The following DLC1 variants were observed in gnomAD, a reference collection of about 807,000 sequenced individuals.
DLC1 encodes the protein rho GTPase-activating protein 7.
DLC1 carries 54 observed loss-of-function variants against 140.3 expected under a neutral mutation model. The ratio of observed to expected loss-of-function variants is 0.38; its 90% CI spans 0.31 to 0.48. The LOEUF (loss-of-function observed/expected upper bound fraction) is 0.48, where lower values mean the gene tolerates loss of function less well. Among genes scored for constraint, DLC1 ranks in the 20% least tolerant of loss-of-function variants. The pLI, the probability that DLC1 is intolerant of heterozygous loss-of-function variation, is 0.96. For synonymous variants in DLC1, 986 were observed against 728.1 expected, an observed-to-expected ratio of 1.35 and a Z score of -5.70; for missense variants, 2,536 against 1,907.0, an observed-to-expected ratio of 1.33 and a Z score of -6.14.
chr8:13,238,222 C>T (rs1390016401), intron 5 of DLC1, among the ~76,000 whole-genome samples: 2 of 152,140 alleles, frequency 1.3e-5, no homozygotes, highest in African/African-American at 4.8e-5. Flanking sequence ...ATATAAATCT[C>T]TCCCTCCCTA....
intron 4 of DLC1, among the ~76,000 whole-genome samples, chr8:13,382,400 G>T (rs534278767): frequency 3.3e-4 from 50 of 149,474 alleles, no homozygotes; most frequent in Non-Finnish European, 6.8e-4. Context: ...CCAGCTACTC[G>T]GGAGGCTGAG....
At chr8:13,286,938 G>T (rs573689651) in intron 5 of DLC1, among the ~76,000 whole-genome samples, 30 of 152,286 alleles carry the variant, frequency 2.0e-4, no homozygotes, top group Admixed American at 7.8e-4. Flanking sequence ...AAGGGAAAGA[G>T]GGGATCTGAG....
chr8:13,310,718 T>C (rs73562515), intron 4 of DLC1, among the ~76,000 whole-genome samples: 3,384 of 152,368 alleles, frequency 0.022, 47 homozygotes, highest in South Asian at 0.041. Context: ...TGCTTTCATT[T>C]GAACAAAGGA....
At position 13,098,503 on chromosome 8, in the gene DLC1, G is replaced by A; in HGVS notation, c.3063C>T (p.Asn1021=). 7 of 1,614,248 alleles carry A rather than the reference G, an allele frequency of 4.3e-6. No homozygotes were observed. The highest frequency in any genetic ancestry group is 5.9e-6 in the Non-Finnish European group (7 of 1,180,036). The change falls in exon 10 of 18, where the codon AAC becomes AAT. Residue 1021 remains asparagine, a synonymous_variant. Transcript: ENST00000276297. ...PSLNSVSLQI[N]CQSVAQMNLL... is the part of the protein sequence containing the mutation. ...GGTTCATCTGGGCCACAGACTGGCA[G>A]TTAATCTGTAGTGATACAGAGTTGA...
chr8:13,358,319 G>A (rs891669257), intron 4 of DLC1, among the ~76,000 whole-genome samples: 1 of 152,132 alleles, frequency 6.6e-6, no homozygotes, highest in African/African-American at 2.4e-5. Flanking sequence ...CACTAAATTG[G>A]ATGTTGATTT....
intron 1 of DLC1, chr8:13,536,160 G>T (rs1225787782): frequency 1.3e-5 from 2 of 152,190 alleles, no homozygotes; most frequent in African/African-American, 2.4e-5. Flanking sequence ...ATGACAACAA[G>T]CTAAGGATAA....
intron 7 of DLC1, among the ~76,000 whole-genome samples, chr8:13,108,140 G>T (rs1424482878): frequency 5.3e-5 from 8 of 152,130 alleles, no homozygotes. Context: ...CTCGAAAGGG[G>T]CATCATTTTC....
chr8:13,309,547 A>G lies in DLC1; in HGVS notation c.1315-4245T>C, dbSNP rs571689089. Among the ~76,000 whole-genome samples the G allele has an allele frequency of 1.4e-4, 22 of 152,306 alleles. No homozygotes were observed. The South Asian group carries it at 4.4e-3, about 30-fold the overall frequency. On this transcript the variant is annotated intron_variant, in intron 4 of 17. Coordinates refer to ENST00000276297, the MANE Select transcript of DLC1 (RefSeq NM_182643.3). ...GAAGTAAACAATTTGCTTTCTTCTA[A>G]TGAGAGCTTTTAAAGCTATATGTGG...
intron 3 of DLC1, among the ~76,000 whole-genome samples, chr8:13,398,131 A>AC (rs1837131365): frequency 6.6e-6 from 1 of 151,922 alleles, no homozygotes; most frequent in African/African-American, 2.4e-5. Context: ...GTCCATCTCA[A>AC]AAAAAAGAAC....
intron 2 of DLC1, among the ~76,000 whole-genome samples, chr8:13,457,431 C>T (rs920127218): frequency 6.6e-6 from 1 of 152,052 alleles, no homozygotes; most frequent in African/African-American, 2.4e-5. Flanking sequence ...GTAATCCCAG[C>T]ACTTTGAGAG....
chr8:13,504,143 T>TC (rs1801945918), intron 1 of DLC1, among the ~76,000 whole-genome samples: 1 of 149,588 alleles, frequency 6.7e-6, no homozygotes, highest in Non-Finnish European at 1.5e-5. Context: ...TTTTTTTTTT[T>TC]AAGACAGAGT....
At chr8:13,394,976 T>C (rs1432756863) in intron 3 of DLC1, among the ~76,000 whole-genome samples, 6 of 139,020 alleles carry the variant, frequency 4.3e-5, no homozygotes, top group Admixed American at 2.9e-4. Context: ...TATTTTCCAA[T>C]CCTCTTTGCT....
chr8:13,532,066 T>G (rs933314028), intron 1 of DLC1, among the ~76,000 whole-genome samples: 1 of 152,176 alleles, frequency 6.6e-6, no homozygotes, highest in Non-Finnish European at 1.5e-5. Flanking sequence ...TGTGTATACT[T>G]TGAATTTATT....
chr8:13,450,341 G>T (rs1798982291), intron 2 of DLC1, among the ~76,000 whole-genome samples: 1 of 149,860 alleles, frequency 6.7e-6, no homozygotes, highest in Non-Finnish European at 1.5e-5. Context: ...TGTAATCCTA[G>T]CTACTCAGGA....
chr8:13,404,137 A>G (rs1357224407), intron 2 of DLC1, among the ~76,000 whole-genome samples: 1 of 152,146 alleles, frequency 6.6e-6, no homozygotes, highest in African/African-American at 2.4e-5. Context: ...GACCTCATAC[A>G]TTTTAAGATC....
At chr8:13,133,947 G>C (rs963961787) in intron 5 of DLC1, among the ~76,000 whole-genome samples, 1 of 152,176 alleles carries the variant, frequency 6.6e-6, no homozygotes, top group Admixed American at 6.5e-5. Context: ...TACTGCCTTA[G>C]AGGAATTGAG....
At chr8:13,273,602 G>A (rs1027357960) in intron 5 of DLC1, among the ~76,000 whole-genome samples, 2 of 151,920 alleles carry the variant, frequency 1.3e-5, no homozygotes, top group Non-Finnish European at 2.9e-5. Flanking sequence ...CAGGCTCCCT[G>A]TTTCGTGTAG....
chr8:13,442,733 G>A, intron 2 of DLC1, among the ~76,000 whole-genome samples: 1 of 152,212 alleles, frequency 6.6e-6, no homozygotes, highest in Non-Finnish European at 1.5e-5. Context: ...TGGAGATATA[G>A]GAACACTTTT....
At chr8:13,579,687 T>C (rs1805011814) in intron 1 of DLC1, among the ~76,000 whole-genome samples, 1 of 145,342 alleles carries the variant, frequency 6.9e-6, no homozygotes, top group South Asian at 2.1e-4. Context: ...TATGTATATT[T>C]ATATATCTTA....
Sources: allele counts gnomAD v4.1 joint callset (sites outside exome capture counted in the v4.1 genomes callset), GRCh38; gene constraint gnomAD v4.1.1; transcripts MANE v1.5; gene names NCBI Gene and HGNC (gene_info 2026-07-23, HGNC 2026-07-21).